The following EGF variants were observed in gnomAD, a reference collection of about 807,000 sequenced individuals.
EGF encodes epidermal growth factor.
A neutral mutation model predicts 143.8 loss-of-function variants in EGF; 95 were observed. The observed-to-expected ratio is 0.66, with a 90% CI of 0.56 to 0.78. The LOEUF (loss-of-function observed/expected upper bound fraction) is 0.78. Ranked by LOEUF, EGF falls within the 30% of genes least tolerant of loss-of-function variation. EGF has a pLI of 0.00. For missense variants in EGF, 1,320 were observed against 1,470.9 expected (o/e 0.90, Z 1.68); for synonymous variants, 510 against 510.5 (o/e 1.00, Z 0.01).
At chr4:109,988,780 TG>T in intron 18 of EGF, 71 bp downstream of exon 18, 1 of 1,605,682 alleles carries the variant, frequency 6.2e-7, no homozygotes, top group South Asian at 1.1e-5. Context: ...TGTGGGTGCA[TG>T]AGCAGAGGGA....
chr4:109,974,918 A>G lies in EGF; in HGVS notation c.1829+111A>G. 6.6e-6 allele frequency: 5 copies of G among 758,574 alleles called. 1 individual carries two copies. The highest frequency in any genetic ancestry group is 6.3e-5 in the South Asian group (4 of 63,724). The allele number at this position is 758,574 out of a possible 1,614,324, so 47.0% of individuals were successfully genotyped here. On this transcript the variant is annotated intron_variant, in intron 12 of 23. Transcript: ENST00000265171. ...CAAGAAAATCCATGCAATTTGTTCAAATCTTCAGCATGAATTCCTCATGCT... is the reference window on the plus strand; with the variant it reads ...CAAGAAAATCCATGCAATTTGTTCAGATCTTCAGCATGAATTCCTCATGCT...
intron 5 of EGF, among the ~76,000 whole-genome samples, chr4:109,953,685 C>G (rs2126036982): frequency 6.6e-6 from 1 of 152,162 alleles, no homozygotes; most frequent in East Asian, 1.9e-4. Flanking sequence ...TGGAAGGAAC[C>G]CTGACCTGGA....
At position 110,011,597 on chromosome 4, in the gene EGF, C is replaced by T. The variant is rs1754005999; in HGVS notation, c.*142C>T. On this transcript the variant is annotated 3_prime_UTR_variant, in exon 24 of 24. Coordinates refer to ENST00000265171, the MANE Select transcript of EGF (RefSeq NM_001963.6). ...CCTACTCAATGCCTGGAGACAGATA[C>T]GTAGTTGTGCTTTTGTTTGCTCTTT... 16 of 1,271,810 alleles carry T rather than the reference C, an allele frequency of 1.3e-5. No homozygotes were observed. The highest frequency in any genetic ancestry group is 5.4e-5 in the South Asian group (4 of 73,434). 78.8% of individuals were successfully genotyped at this position (1,271,810 alleles called of 1,614,324 possible). A position where few individuals can be genotyped will look rare whatever the true frequency, so the allele number is the denominator to read the frequency against.
Position 109,983,514 on chromosome 4 carries a change from A to G in EGF, c.2464A>G (p.Met822Val), listed in dbSNP as rs759026179. The G allele has an allele frequency of 1.9e-6, 3 of 1,613,854 alleles. No homozygotes were observed. Among genetic ancestry groups the G allele is most frequent in the South Asian group, 2.2e-5 (2 of 91,082 alleles). ...SEDNITESQH[M>V]LVAEIMVSDQ... ...AGATAACATTACAGAATCTCAACAC[A>G]TGCTAGTGGCTGAAATCATGGTGTC... Residue 822 changes from methionine (M) to valine (V), a missense_variant, in exon 16 of 24, where the codon ATG becomes GTG. This residue lies in a region of EGF where 1,186 missense variants were observed against 1,313.7 expected (regional missense o/e 0.90). Transcript: ENST00000265171.
chr4:109,938,456 G>A (rs770392200), intron 1 of EGF, among the ~76,000 whole-genome samples: 33 of 152,148 alleles, frequency 2.2e-4, no homozygotes, highest in Admixed American at 3.3e-4. Flanking sequence ...CGATGGGTTA[G>A]AACATGCTCC....
chr4:109,914,226 G>T (rs1736198811), intron 1 of EGF, among the ~76,000 whole-genome samples: 1 of 152,164 alleles, frequency 6.6e-6, no homozygotes, highest in Non-Finnish European at 1.5e-5. Flanking sequence ...TAATCCTTGG[G>T]TGAGCCTCCA....
Position 110,011,361 on chromosome 4 carries a change from G to T in EGF, c.3530G>T (p.Gly1177Val), listed in dbSNP as rs140730971. ...MPSYGTQTLE[G>V]GVEKPHSLLS... Reference sequence around the variant, plus strand: ...TCCTATGGGACACAGACCCTTGAAGGGGGTGTCGAGAAGCCCCATTCTCTC... The same window carrying T: ...TCCTATGGGACACAGACCCTTGAAGTGGGTGTCGAGAAGCCCCATTCTCTC... Residue 1177 changes from glycine to valine, a missense_variant, in exon 24 of 24, where the codon GGG becomes GTG. Gly to Val is a moderately radical substitution (Grantham distance 109, BLOSUM62 -3). Coordinates refer to ENST00000265171, the MANE Select transcript of EGF (RefSeq NM_001963.6). 1.1e-5 allele frequency: 18 copies of T among 1,614,104 alleles called. No homozygotes were observed. Among genetic ancestry groups the T allele is most frequent in the East Asian group, 4.5e-5 (2 of 44,864 alleles).
intron 5 of EGF, among the ~76,000 whole-genome samples, chr4:109,956,841 A>C (rs1744868027): frequency 6.7e-6 from 1 of 148,618 alleles, no homozygotes; most frequent in Non-Finnish European, 1.5e-5. Flanking sequence ...AAACAGGTTC[A>C]AAATAACTAA....
chr4:109,958,995 ATG>A (rs1408159697), intron 5 of EGF: 25 of 329,892 alleles, frequency 7.6e-5, no homozygotes, highest in African/African-American at 5.3e-4. Flanking sequence ...CATTTGCAGA[ATG>A]TGTGCTTTTT....
rs771301467 is a variant in EGF at position 109,976,138 on chromosome 4, A to G, written c.1956A>G (p.Leu652=). ...IWPSGITIDF[L]TDKLYWCDAK... ...CCAGTGGAATAACGATTGACTTCTT[A>G]ACTGACAAGTTGTACTGGTGCGATG... is the stretch of plus-strand genomic sequence containing the variant. Residue 652 remains leucine (L), a synonymous_variant, in exon 13 of 24, where the codon TTA becomes TTG. Coordinates refer to ENST00000265171, the MANE Select transcript of EGF (RefSeq NM_001963.6). 3.1e-6 allele frequency: 5 copies of G among 1,614,042 alleles called. No homozygotes were observed. In the Admixed American group the frequency reaches 6.7e-5, roughly 22 times the overall value.
intron 23 of EGF, among the ~76,000 whole-genome samples, chr4:110,010,440 G>A (rs1160851195): frequency 6.6e-6 from 1 of 151,966 alleles, no homozygotes; most frequent in Non-Finnish European, 1.5e-5. Context: ...TGCCAACCAA[G>A]ACTATTTTAA....
intron 5 of EGF, among the ~76,000 whole-genome samples, chr4:109,958,756 A>G (rs1008543553): frequency 6.6e-6 from 1 of 151,852 alleles, no homozygotes; most frequent in Non-Finnish European, 1.5e-5. Flanking sequence ...CGTCTCTACT[A>G]AAAATACAAA....
chr4:109,941,093 A>G lies in EGF; in HGVS notation c.275A>G (p.Asp92Gly). The change falls in exon 2 of 24, where the codon GAT becomes GGT. Residue 92 changes from aspartate to glycine, a missense_variant. By Grantham distance (94) the Asp-to-Gly change is moderately conservative. This residue lies in a region of EGF where 41 missense variants were observed against 38.1 expected (regional missense o/e 1.07). Coordinates refer to ENST00000265171, the MANE Select transcript of EGF (RefSeq NM_001963.6). Reference protein sequence around the residue: ...HYNEKRIYWVDLERQLLQRVF... With the variant: ...HYNEKRIYWVGLERQLLQRVF... ...AATGAGAAAAGAATCTATTGGGTGG[A>G]TTTAGAAAGACAACTTTTGCAAAGA... 1 of 1,614,020 alleles carries G rather than the reference A, an allele frequency of 6.2e-7. No individual in the cohort carries two copies. The highest frequency in any genetic ancestry group is 2.2e-5 in the East Asian group (1 of 44,832).
At chr4:109,935,404 G>T (rs981330342) in intron 1 of EGF, among the ~76,000 whole-genome samples, 2 of 152,178 alleles carry the variant, frequency 1.3e-5, no homozygotes, top group Non-Finnish European at 2.9e-5. Context: ...CATTGATTTT[G>T]TATCCTGAGA....
In EGF at chr4:109,993,414, G is replaced by A. The variant is rs532372381; in HGVS notation, c.2857+45G>A. 106 of 1,610,718 alleles carry A rather than the reference G, an allele frequency of 6.6e-5. No individual in the cohort carries two copies. The East Asian group carries it at 8.3e-4, about 13-fold the overall frequency. ...ACAGTGAAGGGGAGGGACTTGGCTC[G>A]GGGATATTCTATACCCTAATCTCTA... On this transcript the variant is annotated intron_variant, in intron 19 of 23. Transcript: ENST00000265171.
chr4:109,981,010 G>T (rs11569018), intron 15 of EGF, 35 bp downstream of exon 15: 3 of 1,613,554 alleles, frequency 1.9e-6, no homozygotes, highest in Admixed American at 3.3e-5. Flanking sequence ...ATTACCTAAC[G>T]TTGGCTCAGA....
intron 17 of EGF, among the ~76,000 whole-genome samples, chr4:109,988,260 A>T (rs1270629254): frequency 4.0e-5 from 6 of 149,814 alleles, no homozygotes; most frequent in Non-Finnish European, 4.4e-5. Context: ...AGATTAATGG[A>T]TGGGTTCCTA....
intron 1 of EGF, 91 bp downstream of exon 1, chr4:109,913,553 A>G (rs867485789): frequency 1.9e-6 from 3 of 1,554,654 alleles, no homozygotes. Flanking sequence ...GGCATTTAAC[A>G]AAGTTTGTCT....
intron 1 of EGF, among the ~76,000 whole-genome samples, chr4:109,935,586 C>T (rs1341109004): frequency 1.3e-5 from 2 of 152,134 alleles, no homozygotes; most frequent in East Asian, 3.8e-4. Flanking sequence ...ACTTCCAATA[C>T]TATGTTGAAT....
Sources: gnomAD v4.1 joint callset for allele counts (sites outside exome capture counted in the v4.1 genomes callset) on GRCh38, gnomAD v4.1.1 for gene constraint, gnomAD v4.1.1 regional missense constraint, MANE v1.5 for transcripts, NCBI Gene and HGNC (gene_info 2026-07-23, HGNC 2026-07-21) for gene names.